SALL1: variants seen among roughly 807,000 people sequenced by gnomAD.
SALL1 encodes the protein sal-like protein 1.
SALL1 carries 10 observed loss-of-function variants against 73.1 expected under a neutral mutation model. The ratio of observed to expected loss-of-function variants is 0.14; its 90% confidence interval spans 0.08 to 0.23. The LOEUF is 0.23. Among genes scored for constraint, SALL1 ranks in the 10% least tolerant of loss-of-function variants. The probability of loss-of-function intolerance (pLI) is 1.00; values close to 1 mark genes in which losing one functional copy is unlikely to be tolerated. For missense variants in SALL1, 1,520 were observed against 1,697.3 expected (o/e 0.90, Z 1.84); for synonymous variants, 688 against 689.8 (o/e 1.00, Z 0.04).
At chr16:51,150,500 G>C (rs1413797109) in intron 1 of SALL1, 2 of 985,638 alleles carry the variant, frequency 2.0e-6, no homozygotes, top group East Asian at 1.1e-4. Flanking sequence ...AACAACTGGC[G>C]GCCAGCAGCA....
chr16:51,144,329 AT>A (rs1234747055), intron 1 of SALL1, among the ~76,000 whole-genome samples: 2 of 152,184 alleles, frequency 1.3e-5, no homozygotes, highest in African/African-American at 4.8e-5. Context: ...TTGTTCACAC[AT>A]TTTCAACAAA....
intron 1 of SALL1, chr16:51,143,261 C>T: frequency 2.9e-6 from 1 of 346,600 alleles, no homozygotes; most frequent in South Asian, 2.1e-5. Flanking sequence ...CAGATGTCTT[C>T]TCACTAAGAT....
Position 51,137,083 on chromosome 16 carries a change from T to A in SALL1, c.*29A>T. ...CCATAGGTCGCATTCTGAACAGGAA[T>A]GAATGCTATGTCTCCAGCCCGAGCT... is the stretch of plus-strand genomic sequence containing the variant. On this transcript the variant is annotated 3_prime_UTR_variant, in exon 3 of 3. Transcript: ENST00000251020. 1 of 1,610,612 alleles carries A rather than the reference T, an allele frequency of 6.2e-7. No individual in the cohort carries two copies. Among genetic ancestry groups the A allele is most frequent in the Non-Finnish European group, 8.5e-7 (1 of 1,177,132 alleles).
At chr16:51,137,634 A>T (rs1962338646) in intron 2 of SALL1, 82 bp from the exon 3 acceptor site, 1 of 1,076,334 alleles carries the variant, frequency 9.3e-7, no homozygotes, top group Non-Finnish European at 1.4e-6. Context: ...TAATAGCTGA[A>T]TCTGTCTCAA....
intron 1 of SALL1, among the ~76,000 whole-genome samples, chr16:51,147,098 G>T (rs1037027905): frequency 2.0e-5 from 3 of 152,130 alleles, no homozygotes; most frequent in African/African-American, 7.2e-5. Flanking sequence ...GGTTCTGTTG[G>T]TAAAGACAAC....
intron 1 of SALL1, among the ~76,000 whole-genome samples, chr16:51,146,470 CTACA>C (rs1214836957): frequency 6.6e-6 from 1 of 152,144 alleles, no homozygotes; most frequent in Non-Finnish European, 1.5e-5. Flanking sequence ...TAAACTTTGA[CTACA>C]TAAACATTGG....
rs138635817 is a variant in SALL1 at position 51,141,843 on chromosome 16, C to G, written c.379G>C (p.Val127Leu). The G allele has an allele frequency of 3.0e-3, 4,813 of 1,613,892 alleles. 9 individuals are homozygous for G. Among genetic ancestry groups the G allele is most frequent in the Middle Eastern group, 3.4e-3 (20 of 5,866 alleles). Reference sequence around the variant, plus strand: ...CTTTTGTTAGCAACCGGGGCCTCCACCTCCATGGACTCTTCCCTGTCAAGT... The same window carrying G: ...CTTTTGTTAGCAACCGGGGCCTCCAGCTCCATGGACTCTTCCCTGTCAAGT... ...NGLDREESME[V>L]EAPVANKSGS... Residue 127 changes from valine (V) to leucine (L), a missense_variant, in exon 2 of 3, where the codon GTG becomes CTG. This residue lies in a region of SALL1 where 540 missense variants were observed against 567.5 expected (regional missense o/e 0.95). Coordinates refer to ENST00000251020, the MANE Select transcript of SALL1 (RefSeq NM_002968.3). The surrounding 1 kb of genome is among the most constrained non-coding windows in gnomAD (Gnocchi z 5.4).
At chr16:51,138,000 T>C (rs1470386104) in intron 2 of SALL1, among the ~76,000 whole-genome samples, 6 of 152,194 alleles carry the variant, frequency 3.9e-5, no homozygotes, top group African/African-American at 1.4e-4. Flanking sequence ...TGATTGCCCA[T>C]TGGAGGGCCT....
At chr16:51,146,821 G>A (rs538277584) in intron 1 of SALL1, among the ~76,000 whole-genome samples, 11 of 151,982 alleles carry the variant, frequency 7.2e-5, no homozygotes, top group Non-Finnish European at 1.5e-4. Flanking sequence ...TTCTTTTTTG[G>A]GGGGAGGGGT....
At chr16:51,150,331 A>C in intron 1 of SALL1, 1 of 883,842 alleles carries the variant, frequency 1.1e-6, no homozygotes, top group Non-Finnish European at 1.4e-6. Flanking sequence ...TTCTTCCCTG[A>C]CCCCCCTGGA....
Position 51,141,185 on chromosome 16 carries a change from G to A in SALL1, c.1037C>T (p.Ala346Val), listed in dbSNP as rs779513054. Reference sequence around the variant, plus strand: ...TTCAGAGGACGGGGTGGTAACTGCCGCTGCCAATATGTTCATATTGGGAGA... The same window carrying A: ...TTCAGAGGACGGGGTGGTAACTGCCACTGCCAATATGTTCATATTGGGAGA... ...GSSPNMNILA[A>V]AVTTPSSEKV... The change falls in exon 2 of 3, where the codon GCG (alanine) becomes GTG (valine). Residue 346 changes from alanine to valine, a missense_variant. Around this residue, in one of 7 missense-constraint regions of SALL1, gnomAD observed 540 missense variants for 567.5 expected, o/e 0.95. Transcript: ENST00000251020. This position sits in a 1 kb window ranked among gnomAD's most constrained non-coding sequence, Gnocchi z 5.4. 13 of 1,614,130 alleles carry A rather than the reference G, an allele frequency of 8.1e-6. No individual in the cohort carries two copies. Among genetic ancestry groups the A allele is most frequent in the South Asian group, 1.1e-5 (1 of 91,078 alleles).
At chr16:51,149,362 AAC>A (rs1473422975) in intron 1 of SALL1, 3 of 152,198 alleles carry the variant, frequency 2.0e-5, no homozygotes, top group Non-Finnish European at 2.9e-5. Flanking sequence ...TGTTAACCTG[AAC>A]AGTTTTCCGG....
Position 51,140,393 on chromosome 16 carries a change from T to A in SALL1, c.1829A>T (p.Glu610Val). Residue 610 changes from glutamate (E) to valine (V), a missense_variant, in exon 2 of 3, where the codon GAG becomes GTG. Physicochemically the swap from Glu to Val is moderately radical, Grantham distance 121. Coordinates refer to ENST00000251020, the MANE Select transcript of SALL1 (RefSeq NM_002968.3). This position sits in a 1 kb window ranked among gnomAD's most constrained non-coding sequence, Gnocchi z 5.7. ...TGGCAGAGTGGACCCTTCGGCTTCC[T>A]CTGGGAGCCCACCTAGGTTTCTTGT... ...SATRNLGGLP[E>V]EAEGSTLPPS... 1.2e-6 allele frequency: 2 copies of A among 1,614,114 alleles called. No individual in the cohort carries two copies. Among genetic ancestry groups the A allele is most frequent in the Non-Finnish European group, 1.7e-6 (2 of 1,180,002 alleles).
rs1435028129 is a variant in SALL1, at chr16:51,138,873, C to T, written c.3349G>A (p.Ala1117Thr). The change falls in exon 2 of 3, where the codon GCC (alanine) becomes ACC (threonine). Residue 1117 changes from alanine (A) to threonine (T), a missense_variant. By Grantham distance (58) the Ala-to-Thr change is moderately conservative (BLOSUM62 0). This residue lies in a region of SALL1 where 318 missense variants were observed against 357.1 expected (regional missense o/e 0.89). Coordinates refer to ENST00000251020, the MANE Select transcript of SALL1 (RefSeq NM_002968.3). ...GCAGGGAGCAGAACTGGGGATGTGG[C>T]AGAGGAAGACAGAGGCCCAGACGGG... is the stretch of plus-strand genomic sequence containing the variant. ...HVPSGPLSSSATSPVLLPALP... is the reference protein window; with the variant it reads ...HVPSGPLSSSTTSPVLLPALP... The T allele has an allele frequency of 3.1e-6, 5 of 1,614,058 alleles. No individual in the cohort carries two copies. In the African/African-American group the frequency reaches 5.3e-5, roughly 17 times the overall value.
rs1318482650 is a variant in SALL1, at chr16:51,138,843, G to A, written c.3379C>T (p.Pro1127Ser). 1 of 1,614,106 alleles carries A rather than the reference G, an allele frequency of 6.2e-7. No homozygotes were observed. The part of the protein sequence containing the change: ...ATSPVLLPAL[P>S]RRTPKQHYCN... ...TAGTGCTGCTTGGGAGTTCTCCTGG[G>A]CAGAGCAGGGAGCAGAACTGGGGAT... The change falls in exon 2 of 3, where the codon CCC (proline) becomes TCC (serine). Residue 1127 changes from proline to serine, a missense_variant. Pro to Ser is a moderately conservative substitution (Grantham distance 74). This residue lies in a region of SALL1 where 318 missense variants were observed against 357.1 expected (regional missense o/e 0.89). Transcript: ENST00000251020.
rs1415398584 is a variant in SALL1, at chr16:51,139,285, T to C, written c.2937A>G (p.Lys979=). The change falls in exon 2 of 3, where the codon AAA becomes AAG. Residue 979 remains lysine, a synonymous_variant. Transcript: ENST00000251020. ...TCCCCAAAGAATCTTCTTTGATGAT[T>C]TTCTCTGCGTGACTAGATGTCAAAT... ...ALDLTSSHAE[K]IIKEDSLGIL... is the part of the protein sequence containing the mutation. 1 of 1,614,004 alleles carries C rather than the reference T, an allele frequency of 6.2e-7. No individual in the cohort carries two copies. Among genetic ancestry groups the C allele is most frequent in the Admixed American group, 1.7e-5 (1 of 60,002 alleles).
At chr16:51,151,757 A>G (rs1366433380), upstream of SALL1, among the ~76,000 whole-genome samples, 2 of 147,472 alleles carry the variant, frequency 1.4e-5, no homozygotes, top group African/African-American at 5.0e-5. Flanking sequence ...CCCCCCCACA[A>G]TCCCGGGCTG....
In SALL1 at chr16:51,136,078, A is replaced by C. The variant is rs1182967315; in HGVS notation, c.*1034T>G. On this transcript the variant is annotated 3_prime_UTR_variant, in exon 3 of 3. Coordinates refer to ENST00000251020, the MANE Select transcript of SALL1 (RefSeq NM_002968.3). ...AAGTATTAAATGTTAAAGAAATTGG[A>C]CCCCCCCTTTCCTTTCAACTTTCCA... is the stretch of plus-strand genomic sequence containing the variant. 6.6e-6 allele frequency: 1 copy of C among 151,950 alleles called. No homozygotes were observed. Among genetic ancestry groups the C allele is most frequent in the Non-Finnish European group, 1.5e-5 (1 of 67,904 alleles). 9.4% of individuals were successfully genotyped at this position (151,950 alleles called of 1,614,324 possible). A position where few individuals can be genotyped will look rare whatever the true frequency, so the allele number is the denominator to read the frequency against.
rs1357230987 is a variant in SALL1 at position 51,140,983 on chromosome 16, T to C, written c.1239A>G (p.Ala413=). The C allele has an allele frequency of 1.2e-6, 2 of 1,614,266 alleles. No homozygotes were observed. Among genetic ancestry groups the C allele is most frequent in the Non-Finnish European group, 1.7e-6 (2 of 1,180,052 alleles). ...PSPLPNIGTT[A]EDLNSLSALA... ...AGGCAGACAAGGAGTTTAAATCCTC[T>C]GCAGTTGTTCCGATGTTGGGCAAAG... Residue 413 remains alanine, a synonymous_variant, in exon 2 of 3, where the codon GCA becomes GCG. Transcript: ENST00000251020. The surrounding 1 kb of genome is among the most constrained non-coding windows in gnomAD (Gnocchi z 5.7).
Sources: gnomAD v4.1 joint callset for allele counts (sites outside exome capture counted in the v4.1 genomes callset) on GRCh38, gnomAD v4.1.1 for gene constraint, gnomAD v4.1.1 regional missense constraint, Gnocchi (gnomAD v3.1) non-coding constraint, MANE v1.5 for transcripts, NCBI Gene and HGNC (gene_info 2026-07-23, HGNC 2026-07-21) for gene names.